The following ANK3 variants were observed in gnomAD, a reference collection of about 807,000 sequenced individuals.
ANK3 encodes the protein ankyrin 3, also known as ankyrin-3.
ANK3 carries 57 observed loss-of-function variants against 370.9 expected under a neutral mutation model. The ratio of observed to expected loss-of-function variants is 0.15; its 90% CI spans 0.12 to 0.19. ANK3 has a LOEUF of 0.19. Among genes scored for constraint, ANK3 ranks in the 10% least tolerant of loss-of-function variants. The pLI, the probability that ANK3 is intolerant of heterozygous loss-of-function variation, is 1.00. For missense variants in ANK3, 4,439 were observed against 5,302.1 expected, an observed-to-expected ratio of 0.84 and a Z score of 5.06; for synonymous variants, 1,929 against 1,946.3, an observed-to-expected ratio of 0.99 and a Z score of 0.23.
intron 2 of ANK3, among the ~76,000 whole-genome samples, chr10:60,565,842 C>T (rs1233230204): frequency 6.6e-6 from 1 of 152,198 alleles, no homozygotes. Context: ...ACCAATAAAG[C>T]CTGAATTCAG....
rs71015756 is a variant in ANK3 at position 60,029,875 on chromosome 10, C to CTTTTTTTTTTTTTTTTTTTTTTTTTT, written c.*20-75_*20-50dup. ...TGAGTTTAGCTTTCTTTTTCTTTTTCTTTTTTTTTTTTTTTTTTTTTTTTT... is the reference window on the plus strand; with the variant it reads ...TGAGTTTAGCTTTCTTTTTCTTTTTCTTTTTTTTTTTTTTTTTTTTTTTTTTTTTTTTTTTTTTTTTTTTTTTTTTT... On this transcript the variant is annotated intron_variant, in intron 43 of 43. Coordinates refer to ENST00000280772, the MANE Select transcript of ANK3 (RefSeq NM_020987.5). 1.6e-3 allele frequency: 113 copies of CTTTTTTTTTTTTTTTTTTTTTTTTTT among 68,652 alleles called. 11 individuals are homozygous for CTTTTTTTTTTTTTTTTTTTTTTTTTT. Among genetic ancestry groups the CTTTTTTTTTTTTTTTTTTTTTTTTTT allele is most frequent in the African/African-American group, 2.2e-3 (33 of 15,142 alleles). The allele number at this position is 68,652 out of a possible 1,614,324, so 4.3% of individuals were successfully genotyped here.
chr10:60,265,455 T>C (rs943838574), intron 5 of ANK3, among the ~76,000 whole-genome samples: 1 of 152,176 alleles, frequency 6.6e-6, no homozygotes, highest in Non-Finnish European at 1.5e-5. Flanking sequence ...TGAAATTAAC[T>C]TGTGGATTAC....
chr10:60,688,600 A>T (rs556551202), intron 1 of ANK3, among the ~76,000 whole-genome samples: 1 of 152,328 alleles, frequency 6.6e-6, no homozygotes, highest in African/African-American at 2.4e-5. Context: ...AATATAAATG[A>T]GGAAAGCAAA....
chr10:60,701,467 G>A (rs2079545272), intron 1 of ANK3, among the ~76,000 whole-genome samples: 1 of 151,800 alleles, frequency 6.6e-6, no homozygotes, highest in Non-Finnish European at 1.5e-5. Context: ...AAAAGACGAG[G>A]CAATTCACAG....
chr10:60,093,898 G>A (rs2089401041), intron 28 of ANK3, among the ~76,000 whole-genome samples: 2 of 152,066 alleles, frequency 1.3e-5, no homozygotes, highest in African/African-American at 2.4e-5. Context: ...AGCAGCTCAG[G>A]GACCCTCTGT....
At chr10:60,096,983 C>A (rs1013976165) in intron 28 of ANK3, among the ~76,000 whole-genome samples, 1 of 152,112 alleles carries the variant, frequency 6.6e-6, no homozygotes, top group African/African-American at 2.4e-5. Flanking sequence ...TTTTTAAAAT[C>A]TGTTACTAAA....
intron 2 of ANK3, among the ~76,000 whole-genome samples, chr10:60,495,438 T>C (rs977525541): frequency 1.1e-4 from 17 of 152,154 alleles, no homozygotes; most frequent in African/African-American, 2.4e-5. Context: ...CATTACAGTT[T>C]GAGAAGCACA....
chr10:60,114,215 G>A lies in ANK3; in HGVS notation c.2948+10C>T. 1 of 1,541,414 alleles carries A rather than the reference G, an allele frequency of 6.5e-7. No homozygotes were observed. The highest frequency in any genetic ancestry group is 8.9e-7 in the Non-Finnish European group (1 of 1,124,286). On this transcript the variant is annotated intron_variant, in intron 26 of 43. Transcript: ENST00000280772. ...GTAGGATAATGAAAAGTGACATTTA[G>A]GTTACTTACCCAGAATGAATGGGGC...
At chr10:60,359,715 TC>T (rs1436546898) in intron 1 of ANK3, among the ~76,000 whole-genome samples, 1 of 152,098 alleles carries the variant, frequency 6.6e-6, no homozygotes, top group East Asian at 1.9e-4. Context: ...GGCAGGAGGA[TC>T]GCTTGAGCAC....
intron 1 of ANK3, among the ~76,000 whole-genome samples, chr10:60,730,107 G>C (rs1363022184): frequency 6.6e-6 from 1 of 152,100 alleles, no homozygotes; most frequent in Non-Finnish European, 1.5e-5. Flanking sequence ...CAGGAAAAAA[G>C]ATGCATGGTC....
intron 2 of ANK3, among the ~76,000 whole-genome samples, chr10:60,474,074 A>C (rs1026656809): frequency 6.6e-6 from 1 of 151,760 alleles, no homozygotes; most frequent in Non-Finnish European, 1.5e-5. Flanking sequence ...TCGAGGCTGC[A>C]GTGAGCTATG....
chr10:60,729,616 C>G (rs1434748584), intron 1 of ANK3, among the ~76,000 whole-genome samples: 3 of 152,164 alleles, frequency 2.0e-5, no homozygotes, highest in African/African-American at 4.8e-5. Flanking sequence ...AAAGCATCAT[C>G]TGATCAAAAA....
At chr10:60,590,526 G>A (rs1010536711) in intron 2 of ANK3, among the ~76,000 whole-genome samples, 1 of 152,154 alleles carries the variant, frequency 6.6e-6, no homozygotes, top group Non-Finnish European at 1.5e-5. Flanking sequence ...AGATTTAATG[G>A]TTCTAGTTTA....
intron 7 of ANK3, among the ~76,000 whole-genome samples, chr10:60,236,137 T>C (rs1158154686): frequency 1.3e-5 from 2 of 152,280 alleles, no homozygotes; most frequent in South Asian, 2.1e-4. Context: ...TTATTTCTTT[T>C]ATGCTCCCTA....
chr10:60,368,442 G>A (rs1418306460), intron 1 of ANK3, among the ~76,000 whole-genome samples: 2 of 152,056 alleles, frequency 1.3e-5, no homozygotes, highest in African/African-American at 4.8e-5. Context: ...CTCAGTGCGG[G>A]GGGTGTACTG....
intron 1 of ANK3, among the ~76,000 whole-genome samples, chr10:60,285,852 T>C (rs989046393): frequency 3.0e-4 from 45 of 152,162 alleles, no homozygotes; most frequent in Admixed American, 2.2e-3. Context: ...TTCCTTGTTT[T>C]TATTTAAATA....
At chr10:60,235,563 T>C (rs201080197) in intron 7 of ANK3, among the ~76,000 whole-genome samples, 1 of 147,296 alleles carries the variant, frequency 6.8e-6, no homozygotes, top group Non-Finnish European at 1.5e-5. Context: ...TTTTTTTTTT[T>C]TTTTTTTTTT....
chr10:60,645,750 TA>T lies in ANK3; in HGVS notation c.58-30527del, dbSNP rs759865751. Among the ~76,000 whole-genome samples the T allele has an allele frequency of 8.7e-4, 130 of 148,918 alleles. 1 individual carries two copies. Among genetic ancestry groups the T allele is most frequent in the Admixed American group, 2.3e-3 (35 of 14,912 alleles). On this transcript the variant is annotated intron_variant, in intron 1 of 43. Transcript: ENST00000373827. ...AAGAGAAAAAGAAAAAAGAAAATAA[TA>T]AAAAAAAAATGTTTCTGAAGTTCCT...
intron 1 of ANK3, among the ~76,000 whole-genome samples, chr10:60,685,935 T>C (rs1156994735): frequency 6.6e-6 from 1 of 152,090 alleles, no homozygotes; most frequent in East Asian, 1.9e-4. Flanking sequence ...CAGAACAAAA[T>C]AATAGAGCAA....
Sources: gnomAD v4.1 joint callset for allele counts (sites outside exome capture counted in the v4.1 genomes callset) on GRCh38, gnomAD v4.1.1 for gene constraint, MANE v1.5 for transcripts, NCBI Gene and HGNC (gene_info 2026-07-23, HGNC 2026-07-21) for gene names.